TBC1D8: variants seen among roughly 807,000 people sequenced by gnomAD.
TBC1D8 encodes the protein BUB2-like protein 1.
In TBC1D8, 65 loss-of-function variants were observed where a neutral mutation model predicts 118.8. The observed-to-expected ratio is 0.55, with a 90% confidence interval of 0.45 to 0.67. The LOEUF (loss-of-function observed/expected upper bound fraction) is 0.67. Among genes scored for constraint, TBC1D8 ranks in the 30% least tolerant of loss-of-function variants. TBC1D8 has a pLI of 0.00. For missense variants in TBC1D8, 1,376 were observed against 1,471.2 expected (o/e 0.94, Z 1.06); for synonymous variants, 566 against 595.8 (o/e 0.95, Z 0.73).
At chr2:101,110,989 A>G (rs1205700191) in intron 1 of TBC1D8, among the ~76,000 whole-genome samples, 1 of 151,766 alleles carries the variant, frequency 6.6e-6, no homozygotes, top group African/African-American at 2.4e-5. Flanking sequence ...GCAAAAAAAA[A>G]AAAAAAAAAG....
At chr2:101,021,861 C>G in intron 16 of TBC1D8, 115 bp from the exon 17 acceptor site, 1 of 695,064 alleles carries the variant, frequency 1.4e-6, no homozygotes, top group Non-Finnish European at 2.5e-6. Flanking sequence ...ACCCCCAACT[C>G]TCCTGCCCCA....
At position 101,008,081 on chromosome 2, in the gene TBC1D8, GAGA is replaced by G; in HGVS notation, c.3205_3207del (p.Ser1069del). ...GTGTCTGCAAAAACCGAGTCCTCAG[GAGA>G]AGGAGCTGAAGCCCGCAGCTCCTCC... On this transcript the variant is annotated inframe_deletion, in exon 20 of 20. Transcript: ENST00000409318. 3 of 1,613,956 alleles carry G rather than the reference GAGA, an allele frequency of 1.9e-6. No homozygotes were observed. In the South Asian group the frequency reaches 3.3e-5, roughly 18 times the overall value.
chr2:101,029,441 C>G (rs1409054185), intron 12 of TBC1D8, 50 bp downstream of exon 12: 1 of 1,580,048 alleles, frequency 6.3e-7, no homozygotes, highest in East Asian at 2.3e-5. Context: ...TGGGCACGTG[C>G]TGCTGCCTCC....
At position 101,037,848 on chromosome 2, in the gene TBC1D8, G is replaced by A. The variant is rs370176850; in HGVS notation, c.1276-140C>T. 139 of 1,028,612 alleles carry A rather than the reference G, an allele frequency of 1.4e-4. No homozygotes were observed. The East Asian group carries it at 2.7e-3, about 20-fold the overall frequency. The allele number at this position is 1,028,612 out of a possible 1,614,324, so 63.7% of individuals were successfully genotyped here. A position where few individuals can be genotyped will look rare whatever the true frequency, so the allele number is the denominator to read the frequency against. Reference sequence around the variant, plus strand: ...TGACTCAGGGGGAAGACAGACTGACGCCAGACCAGACAGGGCTCCTAGGAA... The same window carrying A: ...TGACTCAGGGGGAAGACAGACTGACACCAGACCAGACAGGGCTCCTAGGAA... On this transcript the variant is annotated intron_variant, in intron 7 of 19. Transcript: ENST00000409318.
chr2:101,042,645 A>C (rs1410832774), intron 5 of TBC1D8, among the ~76,000 whole-genome samples: 1 of 152,124 alleles, frequency 6.6e-6, no homozygotes, highest in African/African-American at 2.4e-5. Context: ...GATGTGTACA[A>C]GGGCTTTATC....
chr2:101,026,890 G>A (rs1023149749), intron 15 of TBC1D8, among the ~76,000 whole-genome samples: 6 of 152,164 alleles, frequency 3.9e-5, no homozygotes, highest in Non-Finnish European at 5.9e-5. Flanking sequence ...AAGACTATAC[G>A]GCAACATGGA....
At chr2:101,036,257 T>C in intron 8 of TBC1D8, 89 bp from the exon 9 acceptor site, 1 of 1,497,578 alleles carries the variant, frequency 6.7e-7, no homozygotes, top group Non-Finnish European at 9.2e-7. Flanking sequence ...GAGGAAGTAC[T>C]GCCCCTGCTC....
intron 12 of TBC1D8, 89 bp from the exon 13 acceptor site, chr2:101,028,521 C>T: frequency 6.8e-7 from 1 of 1,468,800 alleles, no homozygotes; most frequent in Non-Finnish European, 9.0e-7. Context: ...CATGCCAGGG[C>T]ACTTCCAAAC....
intron 6 of TBC1D8, 147 bp from the exon 7 acceptor site, chr2:101,038,802 C>A: frequency 1.1e-6 from 1 of 893,568 alleles, no homozygotes; most frequent in East Asian, 2.6e-5. Flanking sequence ...GCACTGCTCA[C>A]CCCCACCACA....
intron 2 of TBC1D8, among the ~76,000 whole-genome samples, chr2:101,074,594 T>C (rs562385378): frequency 6.6e-6 from 1 of 152,314 alleles, no homozygotes; most frequent in Non-Finnish European, 1.5e-5. Context: ...TAACACCATA[T>C]AGAGCTTCAA....
intron 2 of TBC1D8, among the ~76,000 whole-genome samples, chr2:101,063,270 A>C (rs1192239368): frequency 6.6e-6 from 1 of 152,246 alleles, no homozygotes; most frequent in African/African-American, 2.4e-5. Flanking sequence ...TCATCAAAAA[A>C]CTAGACTTTT....
intron 17 of TBC1D8, 53 bp downstream of exon 17, chr2:101,021,628 G>T: frequency 8.3e-7 from 1 of 1,212,036 alleles, no homozygotes; most frequent in South Asian, 1.3e-5. Context: ...GCACAAAGCT[G>T]ATACTGTGTT....
intron 1 of TBC1D8, among the ~76,000 whole-genome samples, chr2:101,122,693 A>G (rs1419454030): frequency 6.6e-6 from 1 of 152,178 alleles, no homozygotes; most frequent in Non-Finnish European, 1.5e-5. Flanking sequence ...ATGAAACCGA[A>G]ATGAATTGAA....
At chr2:101,033,494 A>G (rs1234979484) in intron 10 of TBC1D8, 50 bp downstream of exon 10, 1 of 1,607,340 alleles carries the variant, frequency 6.2e-7, no homozygotes, top group Non-Finnish European at 8.5e-7. Context: ...GAAGGACAAC[A>G]TGAGACACCA....
intron 2 of TBC1D8, among the ~76,000 whole-genome samples, chr2:101,080,777 G>A (rs186825458): frequency 2.7e-4 from 40 of 150,378 alleles, no homozygotes; most frequent in African/African-American, 9.2e-4. Flanking sequence ...CCCAACTCTT[G>A]TACTCTCAAT....
chr2:101,084,849 ATTT>A (rs70943062), intron 2 of TBC1D8, among the ~76,000 whole-genome samples: 1 of 136,358 alleles, frequency 7.3e-6, no homozygotes. Context: ...GGTATTCACT[ATTT>A]TTTTTTTTTT....
chr2:101,100,001 G>T (rs1383943195), intron 1 of TBC1D8, among the ~76,000 whole-genome samples: 2 of 152,164 alleles, frequency 1.3e-5, no homozygotes, highest in Non-Finnish European at 2.9e-5. Flanking sequence ...AGTATTGGAA[G>T]TTCTGGCCAG....
At chr2:101,041,014 A>G (rs543262028) in intron 5 of TBC1D8, among the ~76,000 whole-genome samples, 34 of 152,366 alleles carry the variant, frequency 2.2e-4, no homozygotes, top group Admixed American at 2.2e-3. Context: ...CACTTGCTTA[A>G]GAATCCAAGT....
intron 12 of TBC1D8, 104 bp downstream of exon 12, chr2:101,029,387 G>C (rs752877099): frequency 7.8e-6 from 10 of 1,284,216 alleles, no homozygotes; most frequent in Non-Finnish European, 1.0e-5. Flanking sequence ...GTGAGACTCT[G>C]TCTCAATAAA....
Sources: allele counts gnomAD v4.1 joint callset (sites outside exome capture counted in the v4.1 genomes callset), GRCh38; gene constraint gnomAD v4.1.1; transcripts MANE v1.5; gene names NCBI Gene and HGNC (gene_info 2026-07-23, HGNC 2026-07-21).